UBR3: variants seen among roughly 807,000 people sequenced by gnomAD.
UBR3 encodes ubiquitin protein ligase E3 component n-recognin 3, also known as E3 ubiquitin-protein ligase UBR3.
UBR3 carries 85 observed loss-of-function variants against 243.2 expected under a neutral mutation model. The observed-to-expected ratio is 0.35, with a 90% CI of 0.29 to 0.42. UBR3 has a LOEUF of 0.42. Ranked by LOEUF, UBR3 falls within the 10% of genes least tolerant of loss-of-function variation. The probability of loss-of-function intolerance (pLI) is 1.00; values close to 1 mark genes in which losing one functional copy is unlikely to be tolerated. For synonymous variants in UBR3, 748 were observed against 799.8 expected (o/e 0.94, Z 1.09); for missense variants, 1,686 against 2,300.8 (o/e 0.73, Z 5.47).
chr2:169,830,365 T>C (rs1188301905), intron 1 of UBR3, among the ~76,000 whole-genome samples: 3 of 152,214 alleles, frequency 2.0e-5, no homozygotes, highest in Non-Finnish European at 2.9e-5. Context: ...AACAGAGTAG[T>C]AGTAAAATTT....
At chr2:170,046,369 TC>T (rs1235359297) in intron 32 of UBR3, among the ~76,000 whole-genome samples, 1 of 152,162 alleles carries the variant, frequency 6.6e-6, no homozygotes, top group Non-Finnish European at 1.5e-5. Context: ...GTGGGTTGCC[TC>T]CCTCCTCCTA....
At chr2:170,010,027 T>A (rs2090037256) in intron 29 of UBR3, among the ~76,000 whole-genome samples, 1 of 152,118 alleles carries the variant, frequency 6.6e-6, no homozygotes, top group South Asian at 2.1e-4. Flanking sequence ...TAAGGAACAT[T>A]AGTTGGTCTG....
rs1259105869 is a variant in UBR3 at position 169,836,023 on chromosome 2, CTCTCTCTCTCTCTCTCTCTCTA to C, written c.545+7973_545+7994del. On this transcript the variant is annotated intron_variant, in intron 1 of 38. Transcript: ENST00000272793. ...TCTCTCTCTCTCTCTCTCTCTCTCT[CTCTCTCTCTCTCTCTCTCTCTA>C]TATATATATATATATATATATATTT... Among the ~76,000 whole-genome samples the C allele has an allele frequency of 4.0e-3, 116 of 29,068 alleles. 1 individual carries two copies. The highest frequency in any genetic ancestry group is 4.7e-3 in the African/African-American group (40 of 8,532). The allele number at this position is 29,068 out of a possible 152,430, so 19.1% of individuals were successfully genotyped here. A position where few individuals can be genotyped will look rare whatever the true frequency, so the allele number is the denominator to read the frequency against.
chr2:169,842,243 G>C (rs557503100), intron 1 of UBR3, among the ~76,000 whole-genome samples: 1 of 152,092 alleles, frequency 6.6e-6, no homozygotes, highest in Admixed American at 6.5e-5. Flanking sequence ...AGCTGCTCTC[G>C]TGGGGCCTTG....
At chr2:169,882,334 TATATA>T (rs1433851574) in intron 5 of UBR3, among the ~76,000 whole-genome samples, 1 of 138,996 alleles carries the variant, frequency 7.2e-6, no homozygotes, top group African/African-American at 2.7e-5. Context: ...ATATATGTAT[TATATA>T]ATATATATGT....
At chr2:169,947,414 G>C (rs1160880306) in intron 21 of UBR3, 128 bp from the exon 22 acceptor site, 2 of 664,126 alleles carry the variant, frequency 3.0e-6, no homozygotes, top group Admixed American at 4.3e-5. Context: ...TTTATAATTT[G>C]TGGATGAGAC....
At chr2:170,021,931 G>T (rs2090401756) in intron 30 of UBR3, among the ~76,000 whole-genome samples, 2 of 152,092 alleles carry the variant, frequency 1.3e-5, no homozygotes, top group African/African-American at 4.8e-5. Flanking sequence ...CAGGACATAG[G>T]AGTCTTTGGA....
chr2:169,851,765 G>A (rs554627994), intron 1 of UBR3, among the ~76,000 whole-genome samples: 15 of 151,468 alleles, frequency 9.9e-5, no homozygotes, highest in Admixed American at 7.2e-4. Context: ...TTGAACCAGG[G>A]AGGCTGAGGT....
intron 19 of UBR3, among the ~76,000 whole-genome samples, chr2:169,938,557 C>T (rs976425412): frequency 2.0e-5 from 3 of 152,082 alleles, no homozygotes; most frequent in East Asian, 1.9e-4. Flanking sequence ...CCATTGTGCC[C>T]GGTCTGTAAA....
rs1393756488 is a variant in UBR3, at chr2:169,928,589, GC to G, written c.2425-135del. On this transcript the variant is annotated intron_variant, in intron 17 of 38. Coordinates refer to ENST00000272793, the MANE Select transcript of UBR3 (RefSeq NM_172070.4). ...TATTATTGATCTGTTGTATTATATA[GC>G]CCTCTTGTGGCCAGCTTTGTATATT... 48 of 524,708 alleles carry G rather than the reference GC, an allele frequency of 9.1e-5. No homozygotes were observed. The Middle Eastern group carries it at 2.1e-3, about 23-fold the overall frequency. The allele number at this position is 524,708 out of a possible 1,614,324, so 32.5% of individuals were successfully genotyped here.
intron 27 of UBR3, among the ~76,000 whole-genome samples, chr2:170,005,996 G>A (rs947681864): frequency 5.9e-5 from 9 of 152,140 alleles, no homozygotes; most frequent in Non-Finnish European, 1.0e-4. Context: ...TGAGTTGAGA[G>A]GGTTTCTGGG....
intron 19 of UBR3, among the ~76,000 whole-genome samples, chr2:169,936,222 G>T (rs926475051): frequency 6.6e-6 from 1 of 151,946 alleles, no homozygotes; most frequent in Non-Finnish European, 1.5e-5. Context: ...ACCATGCCCG[G>T]CTAATTTTGT....
intron 1 of UBR3, among the ~76,000 whole-genome samples, chr2:169,867,480 A>G (rs1027648282): frequency 3.3e-5 from 5 of 152,216 alleles, no homozygotes; most frequent in Non-Finnish European, 7.3e-5. Flanking sequence ...AAATGGAGGT[A>G]TAATAAACAT....
At chr2:170,001,939 A>AAAAAAAAAAAG (rs1553531165) in intron 27 of UBR3, among the ~76,000 whole-genome samples, 67 of 116,090 alleles carry the variant, frequency 5.8e-4, no homozygotes, top group East Asian at 1.3e-3. Flanking sequence ...AAAAAAAAAA[A>AAAAAAAAAAAG]AAAGAAAGAA....
At chr2:169,873,365 A>G (rs2083492058) in intron 2 of UBR3, among the ~76,000 whole-genome samples, 1 of 152,206 alleles carries the variant, frequency 6.6e-6, no homozygotes, top group Non-Finnish European at 1.5e-5. Flanking sequence ...TTAACAGAGT[A>G]TATATCTTAA....
intron 19 of UBR3, among the ~76,000 whole-genome samples, chr2:169,934,281 C>CTTTTT (rs1252324991): frequency 4.6e-5 from 7 of 152,032 alleles, no homozygotes; most frequent in South Asian, 2.1e-4. Flanking sequence ...ATGGCTCTGC[C>CTTTTT]TTTTTTTCAG....
intron 1 of UBR3, among the ~76,000 whole-genome samples, chr2:169,851,405 A>G (rs1309902286): frequency 6.6e-6 from 1 of 152,214 alleles, no homozygotes; most frequent in Non-Finnish European, 1.5e-5. Context: ...TTGGGATTAC[A>G]GGCGTGAGCC....
intron 1 of UBR3, among the ~76,000 whole-genome samples, chr2:169,869,928 A>T (rs1193159909): frequency 6.6e-6 from 1 of 152,114 alleles, no homozygotes; most frequent in Non-Finnish European, 1.5e-5. Flanking sequence ...TCATTTATAA[A>T]TTGTAAATAT....
intron 24 of UBR3, among the ~76,000 whole-genome samples, chr2:169,981,689 A>G (rs2088738912): frequency 6.6e-6 from 1 of 152,324 alleles, no homozygotes; most frequent in East Asian, 1.9e-4. Context: ...TATTGTATCA[A>G]TAAAAATTAA....
Sources: gnomAD v4.1 joint callset for allele counts (sites outside exome capture counted in the v4.1 genomes callset) on GRCh38, gnomAD v4.1.1 for gene constraint, MANE v1.5 for transcripts, NCBI Gene and HGNC (gene_info 2026-07-23, HGNC 2026-07-21) for gene names.